HS3ST4: variants seen among roughly 807,000 people sequenced by gnomAD.
HS3ST4 encodes heparan sulfate-glucosamine 3-sulfotransferase 4.
HS3ST4 carries 17 observed loss-of-function variants against 29.2 expected under a neutral mutation model. The ratio of observed to expected loss-of-function variants is 0.58; its 90% CI spans 0.40 to 0.87. The LOEUF (loss-of-function observed/expected upper bound fraction) is 0.87. Ranked by LOEUF, HS3ST4 falls within the 40% of genes least tolerant of loss-of-function variation. HS3ST4 has a pLI of 0.00. For synonymous variants in HS3ST4, 314 were observed against 285.7 expected (o/e 1.10, Z -1.00); for missense variants, 627 against 634.5 (o/e 0.99, Z 0.13).
chr16:25,938,749 T>G (rs796315587), intron 1 of HS3ST4, among the ~76,000 whole-genome samples: 1 of 152,210 alleles, frequency 6.6e-6, no homozygotes, highest in Non-Finnish European at 1.5e-5. Context: ...CCCCTTTTAC[T>G]GCAGGCTCAG....
chr16:25,872,918 C>A (rs976971290), intron 1 of HS3ST4, among the ~76,000 whole-genome samples: 5 of 151,734 alleles, frequency 3.3e-5, no homozygotes, highest in African/African-American at 1.2e-4. Flanking sequence ...TTCGTTTTGC[C>A]AGAAATATCT....
chr16:25,949,748 A>C (rs547314725), intron 1 of HS3ST4, among the ~76,000 whole-genome samples: 2 of 152,302 alleles, frequency 1.3e-5, no homozygotes, highest in Admixed American at 6.5e-5. Context: ...AAGGTGGGAC[A>C]GGGTGATTGG....
intron 1 of HS3ST4, among the ~76,000 whole-genome samples, chr16:25,840,491 T>G (rs1007173648): frequency 6.6e-6 from 1 of 152,232 alleles, no homozygotes; most frequent in African/African-American, 2.4e-5. Flanking sequence ...AATAAGTTGT[T>G]GGTCATCACG....
intron 1 of HS3ST4, among the ~76,000 whole-genome samples, chr16:26,003,474 T>C (rs1408063193): frequency 6.6e-6 from 1 of 152,216 alleles, no homozygotes; most frequent in East Asian, 1.9e-4. Context: ...TCTCATATTT[T>C]GGACTGTCTT....
In HS3ST4 at chr16:25,756,152, A is replaced by G. The variant is rs60553626; in HGVS notation, c.734+63001A>G. On this transcript the variant is annotated intron_variant, in intron 1 of 1. Coordinates refer to ENST00000331351, the MANE Select transcript of HS3ST4 (RefSeq NM_006040.3). ...TACACACACACACACACACACACAC[A>G]CGCACACACACACACACACACACAC... 9.9e-3 allele frequency among the ~76,000 whole-genome samples: 844 copies of G among 85,004 alleles called. 3 individuals are homozygous for G. Among genetic ancestry groups the G allele is most frequent in the African/African-American group, 0.029 (665 of 23,160 alleles). The allele number at this position is 85,004 out of a possible 152,430, so 55.8% of individuals were successfully genotyped here. A position where few individuals can be genotyped will look rare whatever the true frequency, so the allele number is the denominator to read the frequency against.
intron 1 of HS3ST4, among the ~76,000 whole-genome samples, chr16:25,980,952 A>G (rs1468585118): frequency 6.6e-6 from 1 of 152,158 alleles, no homozygotes; most frequent in African/African-American, 2.4e-5. Flanking sequence ...GCTAACTTAA[A>G]TACTTTCAGC....
intron 1 of HS3ST4, among the ~76,000 whole-genome samples, chr16:26,077,997 T>C (rs1898683237): frequency 6.6e-6 from 1 of 152,166 alleles, no homozygotes; most frequent in Non-Finnish European, 1.5e-5. Context: ...GCCCAGAAAG[T>C]TGAGGATGCA....
chr16:25,737,870 A>T (rs1311067304), intron 1 of HS3ST4, among the ~76,000 whole-genome samples: 2 of 149,848 alleles, frequency 1.3e-5, no homozygotes, highest in Non-Finnish European at 3.0e-5. Flanking sequence ...CCATTTCCTG[A>T]TATTGTGAGG....
intron 1 of HS3ST4, among the ~76,000 whole-genome samples, chr16:25,732,962 C>G (rs1454340550): frequency 6.6e-6 from 1 of 152,122 alleles, no homozygotes; most frequent in African/African-American, 2.4e-5. Context: ...CTGTCTTCAT[C>G]ATTAGTAGTA....
chr16:25,742,245 C>T (rs1485331389), intron 1 of HS3ST4, among the ~76,000 whole-genome samples: 2 of 152,198 alleles, frequency 1.3e-5, no homozygotes, highest in African/African-American at 4.8e-5. Flanking sequence ...GACAAGCCCT[C>T]TTCACATAGT....
At chr16:25,697,966 C>T (rs564330980) in intron 1 of HS3ST4, among the ~76,000 whole-genome samples, 9 of 151,796 alleles carry the variant, frequency 5.9e-5, no homozygotes, top group Non-Finnish European at 7.4e-5. Context: ...CCACCGTGCC[C>T]GGCCCAGGAG....
intron 1 of HS3ST4, among the ~76,000 whole-genome samples, chr16:25,815,950 A>C (rs147717555): frequency 6.6e-6 from 1 of 152,310 alleles, no homozygotes. Context: ...GGCCTTCTCA[A>C]ATGAAATTCA....
intron 1 of HS3ST4, among the ~76,000 whole-genome samples, chr16:26,098,776 A>G (rs1331675091): frequency 6.6e-6 from 1 of 151,934 alleles, no homozygotes; most frequent in Non-Finnish European, 1.5e-5. Flanking sequence ...TGTGTGGATG[A>G]TGGATGGATG....
intron 1 of HS3ST4, among the ~76,000 whole-genome samples, chr16:25,736,798 T>C (rs900328863): frequency 1.3e-5 from 2 of 152,186 alleles, no homozygotes; most frequent in Non-Finnish European, 2.9e-5. Context: ...CTAAAGAGTG[T>C]TGGGTTATTG....
At chr16:26,073,355 ATCTTTTCTTTTCTTT>A (rs72461132) in intron 1 of HS3ST4, among the ~76,000 whole-genome samples, 1 of 80,130 alleles carries the variant, frequency 1.2e-5, no homozygotes, top group African/African-American at 3.4e-5. Context: ...AAGAGTTCAG[ATCTTTTCTTTTCTTT>A]TCTTTTCTTT....
At chr16:26,014,395 G>A (rs1007998489) in intron 1 of HS3ST4, among the ~76,000 whole-genome samples, 3 of 152,060 alleles carry the variant, frequency 2.0e-5, no homozygotes, top group African/African-American at 7.3e-5. Flanking sequence ...TGTTATATAG[G>A]TAAATTGAGT....
intron 1 of HS3ST4, among the ~76,000 whole-genome samples, chr16:25,779,516 A>G (rs930557316): frequency 3.3e-5 from 5 of 152,306 alleles, no homozygotes; most frequent in African/African-American, 7.2e-5. Context: ...CATTAAACTA[A>G]CATTTACTAC....
intron 1 of HS3ST4, among the ~76,000 whole-genome samples, chr16:26,052,384 C>A (rs1214268269): frequency 2.6e-5 from 4 of 152,078 alleles, no homozygotes; most frequent in African/African-American, 9.7e-5. Flanking sequence ...TTATTATTTT[C>A]TTTTGCAACA....
At chr16:25,777,856 A>G (rs1270898233) in intron 1 of HS3ST4, among the ~76,000 whole-genome samples, 1 of 151,816 alleles carries the variant, frequency 6.6e-6, no homozygotes, top group Non-Finnish European at 1.5e-5. Flanking sequence ...ATGCCAATAT[A>G]GAATGCCTTC....
Sources: allele counts gnomAD v4.1 joint callset (sites outside exome capture counted in the v4.1 genomes callset), GRCh38; gene constraint gnomAD v4.1.1; transcripts MANE v1.5; gene names NCBI Gene and HGNC (gene_info 2026-07-23, HGNC 2026-07-21).